The following USP37 variants were observed in gnomAD, a reference collection of about 807,000 sequenced individuals.
The protein encoded by USP37 is ubiquitin specific peptidase 37.
In USP37, 27 loss-of-function variants were observed where a neutral mutation model predicts 124.0. That is an observed-to-expected ratio of 0.22 (90% CI 0.16 to 0.30). The LOEUF (loss-of-function observed/expected upper bound fraction) is 0.30. Among genes scored for constraint, USP37 ranks in the 10% least tolerant of loss-of-function variants. The pLI is 1.00. For missense variants in USP37, 889 were observed against 1,140.4 expected, an observed-to-expected ratio of 0.78 and a Z score of 3.17; for synonymous variants, 365 against 388.0, an observed-to-expected ratio of 0.94 and a Z score of 0.70.
chr2:218,540,176 T>A (rs897136848), intron 8 of USP37, among the ~76,000 whole-genome samples: 1 of 152,102 alleles, frequency 6.6e-6, no homozygotes, highest in Non-Finnish European at 1.5e-5. Context: ...AACACAGCAA[T>A]ACTCTCACAG....
chr2:218,499,677 T>G (rs1689266060), intron 11 of USP37, among the ~76,000 whole-genome samples: 1 of 152,142 alleles, frequency 6.6e-6, no homozygotes, highest in African/African-American at 2.4e-5. Context: ...TCACATGCTG[T>G]TTTCATGTAT....
At position 218,515,928 on chromosome 2, in the gene USP37, C is replaced by T. The variant is rs114225623; in HGVS notation, c.864-5788G>A. On this transcript the variant is annotated intron_variant, in intron 10 of 25. Coordinates refer to ENST00000258399, the MANE Select transcript of USP37 (RefSeq NM_020935.3). The stretch of plus-strand genomic sequence containing the variant: ...AGAAGACATTTATGCGGCTAACAAA[C>T]GTGAAAAAAAGCTCGTCATCACTGG... 2.6e-3 allele frequency among the ~76,000 whole-genome samples: 379 copies of T among 148,394 alleles called. 2 individuals are homozygous for T. Among genetic ancestry groups the T allele is most frequent in the African/African-American group, 8.9e-3 (360 of 40,322 alleles).
chr2:218,552,076 G>A (rs999198909), intron 5 of USP37, among the ~76,000 whole-genome samples: 2 of 152,166 alleles, frequency 1.3e-5, no homozygotes, highest in African/African-American at 4.8e-5. Context: ...ACAGGTGTGA[G>A]CAACCGTGCC....
At chr2:218,520,345 CTT>C (rs542332442) in intron 10 of USP37, among the ~76,000 whole-genome samples, 6 of 125,874 alleles carry the variant, frequency 4.8e-5, no homozygotes, top group East Asian at 2.2e-4. Flanking sequence ...TTGCCAACAG[CTT>C]TTTTTTTTTT....
At chr2:218,550,951 T>C (rs1234320065) in intron 5 of USP37, among the ~76,000 whole-genome samples, 1 of 152,170 alleles carries the variant, frequency 6.6e-6, no homozygotes, top group Non-Finnish European at 1.5e-5. Flanking sequence ...TAACACAAGT[T>C]TTCAATCTTT....
At chr2:218,520,471 T>C (rs1690548149) in intron 10 of USP37, among the ~76,000 whole-genome samples, 1 of 151,582 alleles carries the variant, frequency 6.6e-6, no homozygotes, top group South Asian at 2.1e-4. Flanking sequence ...TGTCTCAGCA[T>C]CCCGAGTAAC....
rs1257446747 is a variant in USP37 at position 218,454,752 on chromosome 2, T to A, written c.*178A>T. 8.3e-6 allele frequency: 11 copies of A among 1,322,968 alleles called. No homozygotes were observed. The highest frequency in any genetic ancestry group is 9.9e-6 in the Non-Finnish European group (10 of 1,006,302). The allele number at this position is 1,322,968 out of a possible 1,614,324, so 82.0% of individuals were successfully genotyped here. A position where few individuals can be genotyped will look rare whatever the true frequency, so the allele number is the denominator to read the frequency against. Reference sequence around the variant, plus strand: ...CAGCTACGGATGTGAGACCAAAGTTTCCATAAAATAGCATGGAGCATTCTA... The same window carrying A: ...CAGCTACGGATGTGAGACCAAAGTTACCATAAAATAGCATGGAGCATTCTA... On this transcript the variant is annotated 3_prime_UTR_variant, in exon 26 of 26. Transcript: ENST00000258399.
intron 19 of USP37, 151 bp from the exon 20 acceptor site, chr2:218,475,036 A>T: frequency 1.6e-6 from 1 of 613,922 alleles, no homozygotes. Flanking sequence ...ATATAAACTA[A>T]ATGGTGAGTC....
intron 22 of USP37, among the ~76,000 whole-genome samples, chr2:218,462,956 CAGG>C (rs1690093421): frequency 1.3e-5 from 2 of 151,978 alleles, no homozygotes; most frequent in Admixed American, 6.6e-5. Flanking sequence ...CACTTGAAGC[CAGG>C]AGTTCAAGAC....
Position 218,510,717 on chromosome 2 carries a change from G to C in USP37, c.864-577C>G, listed in dbSNP as rs563277404. Among the ~76,000 whole-genome samples the C allele has an allele frequency of 1.4e-4, 21 of 152,130 alleles. No homozygotes were observed. The South Asian group carries it at 2.7e-3, about 20-fold the overall frequency. On this transcript the variant is annotated intron_variant, in intron 10 of 25. Coordinates refer to ENST00000258399, the MANE Select transcript of USP37 (RefSeq NM_020935.3). Reference sequence around the variant, plus strand: ...TTATCAGTTTTAATTTTTTTGCTGGGTCCGGTGGCTCACGCCTGTAAGCCC... The same window carrying C: ...TTATCAGTTTTAATTTTTTTGCTGGCTCCGGTGGCTCACGCCTGTAAGCCC...
intron 21 of USP37, among the ~76,000 whole-genome samples, chr2:218,465,445 A>G (rs1690260096): frequency 6.6e-6 from 1 of 152,168 alleles, no homozygotes; most frequent in South Asian, 2.1e-4. Flanking sequence ...AATAAAAAGA[A>G]AAGAAAAAAA....
chr2:218,488,131 G>A (rs7574881), intron 15 of USP37, among the ~76,000 whole-genome samples, 173 bp downstream of exon 15: 7,556 of 133,216 alleles, frequency 0.057, 638 homozygotes, highest in African/African-American at 0.19. Flanking sequence ...AGCTGAGATT[G>A]TGCAACTGCA....
At chr2:218,474,386 G>T (rs1373335345) in intron 20 of USP37, among the ~76,000 whole-genome samples, 2 of 152,040 alleles carry the variant, frequency 1.3e-5, no homozygotes, top group African/African-American at 4.8e-5. Flanking sequence ...ATCTGAGAAG[G>T]AGTCTCACTC....
At chr2:218,508,446 G>A (rs994843761) in intron 11 of USP37, among the ~76,000 whole-genome samples, 2 of 151,930 alleles carry the variant, frequency 1.3e-5, no homozygotes, top group African/African-American at 4.8e-5. Flanking sequence ...GAGTACCAAG[G>A]GTGGCAACTC....
At chr2:218,514,502 G>A (rs1559199405) in intron 10 of USP37, 1 of 151,162 alleles carries the variant, frequency 6.6e-6, no homozygotes, top group Non-Finnish European at 1.5e-5. Context: ...TAACAGCTAA[G>A]TGACATTGTG....
At chr2:218,484,647 C>CAAA (rs1691452285) in intron 16 of USP37, among the ~76,000 whole-genome samples, 1 of 18,564 alleles carries the variant, frequency 5.4e-5, no homozygotes, top group African/African-American at 3.3e-4. Flanking sequence ...ACAACAACAA[C>CAAA]AAACAACCAA....
intron 9 of USP37, among the ~76,000 whole-genome samples, chr2:218,530,392 G>A (rs529911139): frequency 1.3e-5 from 2 of 152,040 alleles, no homozygotes; most frequent in South Asian, 2.1e-4. Context: ...AGTGATCTGC[G>A]ATCAGTGATC....
intron 14 of USP37, among the ~76,000 whole-genome samples, chr2:218,491,931 G>A (rs1356802344): frequency 6.6e-6 from 1 of 152,148 alleles, no homozygotes; most frequent in African/African-American, 2.4e-5. Flanking sequence ...CAGGTGTGGG[G>A]GCTAGTGCCT....
intron 20 of USP37, among the ~76,000 whole-genome samples, chr2:218,468,543 A>T (rs2106413414): frequency 6.6e-6 from 1 of 152,138 alleles, no homozygotes; most frequent in African/African-American, 2.4e-5. Context: ...TTCAATACAA[A>T]TACAAGCGTT....
Sources: allele counts gnomAD v4.1 joint callset (sites outside exome capture counted in the v4.1 genomes callset), GRCh38; gene constraint gnomAD v4.1.1; transcripts MANE v1.5; gene names NCBI Gene and HGNC (gene_info 2026-07-23, HGNC 2026-07-21).